The following CDC42SE2 variants were observed in gnomAD, a reference collection of about 807,000 sequenced individuals.
The protein encoded by CDC42SE2 is CDC42 small effector 2.
CDC42SE2 carries 3 observed loss-of-function variants against 11.5 expected under a neutral mutation model. That is an observed-to-expected ratio of 0.26 (90% CI 0.12 to 0.67). The LOEUF (loss-of-function observed/expected upper bound fraction) is 0.67, where lower values mean the gene tolerates loss of function less well. Ranked by LOEUF, CDC42SE2 falls within the 30% of genes least tolerant of loss-of-function variation. CDC42SE2 has a pLI of 0.80. For missense variants in CDC42SE2, 82 were observed against 106.8 expected, an observed-to-expected ratio of 0.77 and a Z score of 1.02; for synonymous variants, 33 against 34.8, an observed-to-expected ratio of 0.95 and a Z score of 0.18.
chr5:131,233,103 G>A, the CDC42SE2 span, among the ~76,000 whole-genome samples: 1 of 151,888 alleles, frequency 6.6e-6, no homozygotes, highest in African/African-American at 2.4e-5. Context: ...AACACATACG[G>A]GTCTGTATAT....
intron 1 of CDC42SE2, among the ~76,000 whole-genome samples, chr5:131,309,405 C>T (rs940359507): frequency 6.6e-6 from 1 of 152,050 alleles, no homozygotes; most frequent in Non-Finnish European, 1.5e-5. Context: ...GTCTAAAATT[C>T]TCTTTTTTGG....
chr5:131,352,854 C>G (rs1429516404), intron 2 of CDC42SE2, among the ~76,000 whole-genome samples: 1 of 152,194 alleles, frequency 6.6e-6, no homozygotes, highest in Admixed American at 6.5e-5. Flanking sequence ...ACCCCCTTCC[C>G]CAGTAATTTT....
intron 3 of CDC42SE2, among the ~76,000 whole-genome samples, chr5:131,371,507 ATT>A (rs1468298947): frequency 6.6e-6 from 1 of 152,156 alleles, no homozygotes; most frequent in Admixed American, 6.5e-5. Flanking sequence ...CAGATGGGAT[ATT>A]GTTTGTTTTA....
intron 1 of CDC42SE2, among the ~76,000 whole-genome samples, chr5:131,310,845 G>A (rs1423610274): frequency 1.3e-5 from 2 of 151,972 alleles, no homozygotes; most frequent in Non-Finnish European, 2.9e-5. Flanking sequence ...GTCTCTGCAC[G>A]TGAGATGGGT....
chr5:131,376,154 G>A (rs980382257), intron 3 of CDC42SE2, among the ~76,000 whole-genome samples: 2 of 151,910 alleles, frequency 1.3e-5, no homozygotes, highest in Admixed American at 6.6e-5. Context: ...CACGAGAATC[G>A]CTTGAACCCA....
At chr5:131,216,136 T>C in the CDC42SE2 span, among the ~76,000 whole-genome samples, 1 of 152,208 alleles carries the variant, frequency 6.6e-6, no homozygotes, top group Non-Finnish European at 1.5e-5. Flanking sequence ...TGACTCCTGA[T>C]TGGTTTATGG....
chr5:131,350,332 A>G (rs1287184847), intron 2 of CDC42SE2, among the ~76,000 whole-genome samples: 1 of 151,884 alleles, frequency 6.6e-6, no homozygotes, highest in African/African-American at 2.4e-5. Context: ...TATTAAATTT[A>G]TAAAAATACA....
intron 3 of CDC42SE2, among the ~76,000 whole-genome samples, chr5:131,379,402 G>C (rs968747905): frequency 8.5e-5 from 13 of 152,308 alleles, no homozygotes; most frequent in Admixed American, 5.2e-4. Context: ...TAACTTTTAA[G>C]TGATGATGTA....
chr5:131,355,976 C>G (rs1191837349), intron 2 of CDC42SE2, among the ~76,000 whole-genome samples: 1 of 152,134 alleles, frequency 6.6e-6, no homozygotes, highest in Admixed American at 6.5e-5. Context: ...CTACTCATGT[C>G]AGTCTCATTT....
At chr5:131,302,370 G>C (rs566435066) in intron 1 of CDC42SE2, among the ~76,000 whole-genome samples, 1 of 152,172 alleles carries the variant, frequency 6.6e-6, no homozygotes, top group Non-Finnish European at 1.5e-5. Context: ...GTAGAAACAG[G>C]GTTTCTCCAT....
chr5:131,297,485 C>T (rs1002913303), intron 1 of CDC42SE2, among the ~76,000 whole-genome samples: 9 of 151,858 alleles, frequency 5.9e-5, no homozygotes, highest in African/African-American at 1.7e-4. Context: ...TTTGGGAGGC[C>T]GAGGCGGGTG....
At chr5:131,317,623 A>ATT in intron 2 of CDC42SE2, among the ~76,000 whole-genome samples, 1 of 140,528 alleles carries the variant, frequency 7.1e-6, no homozygotes, top group East Asian at 2.1e-4. Context: ...GAAACAAATC[A>ATT]TTTTTTTTTT....
chr5:131,249,805 T>C (rs1392857491), intron 1 of CDC42SE2, among the ~76,000 whole-genome samples: 2 of 152,208 alleles, frequency 1.3e-5, no homozygotes, highest in East Asian at 3.9e-4. Context: ...ATCACTTGAA[T>C]CCAGGAGTTC....
chr5:131,364,301 T>G (rs1414081180), intron 3 of CDC42SE2, among the ~76,000 whole-genome samples: 2 of 148,192 alleles, frequency 1.3e-5, no homozygotes, highest in Non-Finnish European at 2.9e-5. Flanking sequence ...AAGTGCTGTA[T>G]AGGCACAAGT....
At chr5:131,305,843 G>A (rs1757768051) in intron 1 of CDC42SE2, among the ~76,000 whole-genome samples, 1 of 152,154 alleles carries the variant, frequency 6.6e-6, no homozygotes, top group African/African-American at 2.4e-5. Flanking sequence ...CCAATGTCAT[G>A]TAACTATTTT....
In CDC42SE2 at chr5:131,331,027, A is replaced by G. The variant is rs80069377; in HGVS notation, c.-286+14883A>G. 9.7e-3 allele frequency among the ~76,000 whole-genome samples: 1,477 copies of G among 152,066 alleles called. 25 individuals are homozygous for G. The highest frequency in any genetic ancestry group is 0.034 in the African/African-American group (1,394 of 41,480). On this transcript the variant is annotated intron_variant, in intron 2 of 4. Coordinates refer to ENST00000505065, the MANE Select transcript of CDC42SE2 (RefSeq NM_001375635.1). ...GGTAACAGAGCGAGACCCTCTCTCAAAAAAAATAAAATTATCTAAATGAAA... is the reference window on the plus strand; with the variant it reads ...GGTAACAGAGCGAGACCCTCTCTCAGAAAAAATAAAATTATCTAAATGAAA...
intron 1 of CDC42SE2, among the ~76,000 whole-genome samples, chr5:131,313,874 C>T (rs1404716865): frequency 1.3e-5 from 2 of 152,240 alleles, no homozygotes; most frequent in African/African-American, 4.8e-5. Flanking sequence ...GTCACCCTGG[C>T]CGTAGTGCAG....
At chr5:131,262,139 C>A (rs1467433987), upstream of CDC42SE2, among the ~76,000 whole-genome samples, 1 of 150,472 alleles carries the variant, frequency 6.6e-6, no homozygotes, top group African/African-American at 2.5e-5. Flanking sequence ...GGCTTACAAG[C>A]ACATATATCA....
At chr5:131,225,452 G>T in the CDC42SE2 span, among the ~76,000 whole-genome samples, 1 of 152,168 alleles carries the variant, frequency 6.6e-6, no homozygotes, top group Non-Finnish European at 1.5e-5. Flanking sequence ...CAAACACAGA[G>T]GCTAATCCTG....
Sources: gnomAD v4.1 joint callset for allele counts (sites outside exome capture counted in the v4.1 genomes callset) on GRCh38, gnomAD v4.1.1 for gene constraint, MANE v1.5 for transcripts, NCBI Gene and HGNC (gene_info 2026-07-23, HGNC 2026-07-21) for gene names.